Variants in LRP1B observed in about 807,000 individuals in gnomAD.
The protein encoded by LRP1B is low-density lipoprotein receptor-related protein 1B.
Under a neutral mutation model 556.6 loss-of-function variants are expected in LRP1B, and 217 were observed. That is an observed-to-expected ratio of 0.39 (90% CI 0.35 to 0.44). The LOEUF (loss-of-function observed/expected upper bound fraction) is 0.44, where lower values mean the gene tolerates loss of function less well. Ranked by LOEUF, LRP1B falls within the 20% of genes least tolerant of loss-of-function variation. LRP1B has a pLI of 1.00. For synonymous variants in LRP1B, 2,047 were observed against 1,865.8 expected (o/e 1.10, Z -2.50); for missense variants, 5,053 against 5,620.8 (o/e 0.90, Z 3.23).
At chr2:141,077,049 A>T (rs1342763647) in intron 7 of LRP1B, among the ~76,000 whole-genome samples, 1 of 152,166 alleles carries the variant, frequency 6.6e-6, no homozygotes, top group Non-Finnish European at 1.5e-5. Context: ...GTTCGAGACC[A>T]GCCTGGCCAA....
intron 11 of LRP1B, among the ~76,000 whole-genome samples, chr2:141,036,933 G>A (rs1698550842): frequency 6.6e-6 from 1 of 151,954 alleles, no homozygotes; most frequent in African/African-American, 2.4e-5. Context: ...TAGATATAAG[G>A]CAGAGTTTCA....
intron 7 of LRP1B, among the ~76,000 whole-genome samples, chr2:141,071,766 A>C (rs1226665248): frequency 6.6e-6 from 1 of 152,182 alleles, no homozygotes; most frequent in Non-Finnish European, 1.5e-5. Flanking sequence ...TGCTTCAAAG[A>C]GAATAAAATA....
At chr2:140,516,078 A>G (rs7597213) in intron 50 of LRP1B, among the ~76,000 whole-genome samples, 149,897 of 152,074 alleles carry the variant, frequency 0.99, 73,912 homozygotes, top group Middle Eastern at 1. Flanking sequence ...GTACACACAC[A>G]GAAATTAGGA....
intron 23 of LRP1B, among the ~76,000 whole-genome samples, chr2:140,896,170 A>T (rs1384229331): frequency 1.3e-5 from 2 of 152,162 alleles, no homozygotes; most frequent in Non-Finnish European, 2.9e-5. Flanking sequence ...GTGATTAATA[A>T]TTGAATTATA....
intron 1 of LRP1B, among the ~76,000 whole-genome samples, chr2:141,923,015 C>T (rs1323444514): frequency 6.6e-6 from 1 of 151,960 alleles, no homozygotes; most frequent in Non-Finnish European, 1.5e-5. Flanking sequence ...CAGAGGATCA[C>T]TTGAGCTCAG....
chr2:141,631,954 T>C (rs355595), intron 2 of LRP1B, among the ~76,000 whole-genome samples: 151,739 of 152,196 alleles, frequency 1, 75,644 homozygotes, highest in Middle Eastern at 1. Flanking sequence ...GTAACCCAGA[T>C]AGACTGGAAA....
intron 2 of LRP1B, among the ~76,000 whole-genome samples, chr2:141,752,340 A>G (rs1202756772): frequency 1.3e-5 from 2 of 152,186 alleles, no homozygotes; most frequent in East Asian, 3.9e-4. Context: ...ATCTCTCATA[A>G]GGAATTTCAA....
At chr2:140,237,188 C>G (rs1056231690) in intron 89 of LRP1B, among the ~76,000 whole-genome samples, 5 of 150,946 alleles carry the variant, frequency 3.3e-5, no homozygotes, top group African/African-American at 9.7e-5. Context: ...CCTCTCCACC[C>G]TCTAGTAACC....
At chr2:141,541,190 A>G (rs557221250) in intron 2 of LRP1B, among the ~76,000 whole-genome samples, 1 of 152,154 alleles carries the variant, frequency 6.6e-6, no homozygotes, top group South Asian at 2.1e-4. Context: ...TCTTCAACAA[A>G]CATTTCCAAT....
At chr2:141,115,653 GTGTGTT>G (rs1333849800) in intron 7 of LRP1B, among the ~76,000 whole-genome samples, 39 of 122,752 alleles carry the variant, frequency 3.2e-4, no homozygotes, top group African/African-American at 6.7e-4. Context: ...GTGTGTGTGT[GTGTGTT>G]TTTTAGTAGA....
chr2:140,923,180 G>C (rs200808579), intron 20 of LRP1B, 33 bp from the exon 21 acceptor site: 4 of 1,543,898 alleles, frequency 2.6e-6, no homozygotes, highest in Admixed American at 3.5e-5. Flanking sequence ...AGAAGCAGAG[G>C]GGGGCAAGAC....
intron 27 of LRP1B, among the ~76,000 whole-genome samples, chr2:140,852,726 T>C (rs1162888348): frequency 6.6e-6 from 1 of 152,168 alleles, no homozygotes; most frequent in Non-Finnish European, 1.5e-5. Context: ...TATAAATGAC[T>C]TATGATTTTT....
At chr2:140,466,813 G>T (rs931865144) in intron 60 of LRP1B, among the ~76,000 whole-genome samples, 1 of 151,836 alleles carries the variant, frequency 6.6e-6, no homozygotes, top group East Asian at 1.9e-4. Flanking sequence ...TTCTTAGTTC[G>T]CCCTTTTGTT....
intron 20 of LRP1B, among the ~76,000 whole-genome samples, chr2:140,932,045 G>T (rs780726221): frequency 6.6e-6 from 1 of 152,032 alleles, no homozygotes; most frequent in Non-Finnish European, 1.5e-5. Flanking sequence ...CTGAACAAAA[G>T]ATATTATTTA....
chr2:140,639,605 T>C (rs1426040635), intron 41 of LRP1B, among the ~76,000 whole-genome samples: 3 of 152,230 alleles, frequency 2.0e-5, no homozygotes, highest in Non-Finnish European at 2.9e-5. Context: ...ATGCTTGAGC[T>C]ATGCTAGGTC....
chr2:140,784,419 C>CAAAA (rs1294454712), intron 32 of LRP1B, among the ~76,000 whole-genome samples: 7 of 149,278 alleles, frequency 4.7e-5, no homozygotes, highest in African/African-American at 1.7e-4. Flanking sequence ...CACACACACA[C>CAAAA]ACAAAAGGCT....
chr2:140,950,423 G>A (rs2105300367), intron 19 of LRP1B, 21 bp from the exon 20 acceptor site: 1 of 1,574,196 alleles, frequency 6.4e-7, no homozygotes, highest in Non-Finnish European at 8.6e-7. Flanking sequence ...ACATCAACAT[G>A]AGGCAGTGAA....
intron 18 of LRP1B, among the ~76,000 whole-genome samples, chr2:140,972,972 T>G (rs1273698806): frequency 6.8e-6 from 1 of 147,934 alleles, no homozygotes; most frequent in African/African-American, 2.5e-5. Context: ...ATATAATACA[T>G]ATATGTAAAT....
At chr2:141,264,715 G>A (rs897845953) in intron 3 of LRP1B, among the ~76,000 whole-genome samples, 5 of 152,156 alleles carry the variant, frequency 3.3e-5, no homozygotes, top group East Asian at 1.9e-4. Context: ...TTGGCCTCCC[G>A]AAGAGCTGGT....
Sources: allele counts gnomAD v4.1 joint callset (sites outside exome capture counted in the v4.1 genomes callset), GRCh38; gene constraint gnomAD v4.1.1; transcripts MANE v1.5; gene names NCBI Gene and HGNC (gene_info 2026-07-23, HGNC 2026-07-21).